NTM: variants seen among roughly 807,000 people sequenced by gnomAD.
The protein encoded by NTM is neurotrimin.
In NTM, 13 loss-of-function variants were observed where a neutral mutation model predicts 42.1. That is an observed-to-expected ratio of 0.31 (90% confidence interval 0.20 to 0.49). The LOEUF (loss-of-function observed/expected upper bound fraction) is 0.49, where lower values mean the gene tolerates loss of function less well. Among genes scored for constraint, NTM ranks in the 20% least tolerant of loss-of-function variants. NTM has a pLI of 0.99. For synonymous variants in NTM, 187 were observed against 179.2 expected, an observed-to-expected ratio of 1.04 and a Z score of -0.35; for missense variants, 373 against 452.8, an observed-to-expected ratio of 0.82 and a Z score of 1.60.
intron 2 of NTM, among the ~76,000 whole-genome samples, chr11:132,137,072 G>A (rs751128792): frequency 1.2e-4 from 18 of 152,236 alleles, no homozygotes; most frequent in Non-Finnish European, 1.3e-4. Flanking sequence ...ATCGCAAAAA[G>A]TGTCTGATTT....
chr11:131,891,791 T>C (rs778450268), intron 1 of NTM, among the ~76,000 whole-genome samples: 6 of 152,214 alleles, frequency 3.9e-5, no homozygotes, highest in Non-Finnish European at 8.8e-5. Flanking sequence ...TCAGACATTT[T>C]GGACTTTCTT....
intron 1 of NTM, among the ~76,000 whole-genome samples, chr11:131,893,270 G>A (rs189383417): frequency 4.6e-5 from 7 of 152,284 alleles, no homozygotes; most frequent in African/African-American, 1.7e-4. Context: ...GAATGTAGGA[G>A]GAGCAGAGGG....
At chr11:132,263,501 T>C (rs1403110710) in intron 4 of NTM, among the ~76,000 whole-genome samples, 1 of 152,246 alleles carries the variant, frequency 6.6e-6, no homozygotes, top group Non-Finnish European at 1.5e-5. Context: ...GCAATGAGTC[T>C]GCCACGCCCT....
At chr11:131,898,157 A>T (rs1331683139) in intron 1 of NTM, among the ~76,000 whole-genome samples, 5 of 152,208 alleles carry the variant, frequency 3.3e-5, no homozygotes, top group Non-Finnish European at 7.3e-5. Context: ...CTGTGCTCGA[A>T]ATGTTTATAT....
At chr11:132,241,021 C>T (rs1418347443) in intron 4 of NTM, among the ~76,000 whole-genome samples, 1 of 152,112 alleles carries the variant, frequency 6.6e-6, no homozygotes, top group Non-Finnish European at 1.5e-5. Flanking sequence ...TTGTTTCACA[C>T]AAAAAATATT....
intron 1 of NTM, among the ~76,000 whole-genome samples, chr11:131,725,118 G>A (rs1038417265): frequency 2.6e-5 from 4 of 152,170 alleles, no homozygotes; most frequent in Non-Finnish European, 4.4e-5. Flanking sequence ...GCCTGTTCAT[G>A]GGGTTTACAA....
intron 4 of NTM, among the ~76,000 whole-genome samples, chr11:132,291,067 A>G (rs1045875399): frequency 6.6e-6 from 1 of 152,188 alleles, no homozygotes; most frequent in Non-Finnish European, 1.5e-5. Context: ...GGATGATGGT[A>G]TCGTATGGCC....
intron 4 of NTM, among the ~76,000 whole-genome samples, chr11:132,275,262 T>A (rs1443018275): frequency 6.6e-6 from 1 of 152,232 alleles, no homozygotes; most frequent in African/African-American, 2.4e-5. Flanking sequence ...GATTCAGATA[T>A]CCAGTCATCC....
At chr11:131,423,511 A>G (rs1368867504) in intron 1 of NTM, among the ~76,000 whole-genome samples, 2 of 152,202 alleles carry the variant, frequency 1.3e-5, no homozygotes, top group Non-Finnish European at 2.9e-5. Context: ...GACCTCTACT[A>G]GTGTGTGTAG....
At chr11:131,475,422 C>T (rs1030126519) in intron 1 of NTM, among the ~76,000 whole-genome samples, 2 of 152,002 alleles carry the variant, frequency 1.3e-5, no homozygotes, top group Non-Finnish European at 2.9e-5. Flanking sequence ...GAGAAGGGGG[C>T]CATGACAGGT....
At chr11:131,569,899 G>T (rs2057293235) in intron 1 of NTM, among the ~76,000 whole-genome samples, 1 of 152,166 alleles carries the variant, frequency 6.6e-6, no homozygotes, top group Non-Finnish European at 1.5e-5. Context: ...TGTTTTCTAG[G>T]CCTAAGAAAG....
chr11:131,901,586 T>G (rs2137717936), intron 1 of NTM, among the ~76,000 whole-genome samples: 1 of 152,278 alleles, frequency 6.6e-6, no homozygotes, highest in African/African-American at 2.4e-5. Context: ...GTATTAATAC[T>G]TGGCCATATA....
At chr11:131,730,365 T>A (rs753094880) in intron 1 of NTM, among the ~76,000 whole-genome samples, 2 of 151,980 alleles carry the variant, frequency 1.3e-5, no homozygotes, top group Non-Finnish European at 2.9e-5. Flanking sequence ...GGTTAGAGAT[T>A]TTGTAGTAGT....
intron 2 of NTM, among the ~76,000 whole-genome samples, chr11:132,015,202 A>G (rs1045854926): frequency 2.0e-5 from 3 of 152,028 alleles, no homozygotes; most frequent in Non-Finnish European, 4.4e-5. Flanking sequence ...AGTTGGCCAT[A>G]AATGGGTGGA....
At chr11:131,699,231 G>A (rs1364343609) in intron 1 of NTM, among the ~76,000 whole-genome samples, 2 of 152,226 alleles carry the variant, frequency 1.3e-5, no homozygotes, top group African/African-American at 4.8e-5. Context: ...GAACTATACA[G>A]AAGATGTTGA....
chr11:132,048,024 G>A (rs181960855), intron 2 of NTM, among the ~76,000 whole-genome samples: 7 of 151,756 alleles, frequency 4.6e-5, no homozygotes. Context: ...ATATAGCTGA[G>A]TATGTCTGCG....
intron 1 of NTM, among the ~76,000 whole-genome samples, chr11:131,530,716 T>C (rs944020466): frequency 6.6e-6 from 1 of 152,172 alleles, no homozygotes; most frequent in Non-Finnish European, 1.5e-5. Flanking sequence ...TTAGAACAGC[T>C]GTGCTGGAGG....
At chr11:131,791,427 A>G (rs2090920292) in intron 1 of NTM, among the ~76,000 whole-genome samples, 1 of 152,240 alleles carries the variant, frequency 6.6e-6, no homozygotes, top group Non-Finnish European at 1.5e-5. Context: ...AGTAATACAT[A>G]CATCAATATA....
At chr11:132,112,366 T>A (rs1203478755) in intron 2 of NTM, among the ~76,000 whole-genome samples, 4 of 152,102 alleles carry the variant, frequency 2.6e-5, no homozygotes, top group Non-Finnish European at 4.4e-5. Flanking sequence ...AGGGGAAAAA[T>A]TTCTAAGGAA....
Sources: gnomAD v4.1 joint callset for allele counts (sites outside exome capture counted in the v4.1 genomes callset) on GRCh38, gnomAD v4.1.1 for gene constraint, MANE v1.5 for transcripts, NCBI Gene and HGNC (gene_info 2026-07-23, HGNC 2026-07-21) for gene names.